Variants in CNOT6L observed in about 807,000 individuals in gnomAD.
The protein encoded by CNOT6L is CCR4-NOT transcription complex subunit 6 like, also known as CCR4-NOT transcription complex subunit 6-like.
A neutral mutation model predicts 64.0 loss-of-function variants in CNOT6L; 7 were observed. That is an observed-to-expected ratio of 0.11 (90% CI 0.06 to 0.21). The LOEUF is 0.21. CNOT6L is among the 10% of genes least tolerant of loss of function. The probability of loss-of-function intolerance (pLI) is 1.00; values close to 1 mark genes in which losing one functional copy is unlikely to be tolerated. For missense variants in CNOT6L, 245 were observed against 669.0 expected (o/e 0.37, Z 6.99); for synonymous variants, 193 against 243.4 (o/e 0.79, Z 1.93).
intron 5 of CNOT6L, among the ~76,000 whole-genome samples, chr4:77,751,383 A>G (rs111774939): frequency 7.6e-4 from 115 of 152,288 alleles, no homozygotes; most frequent in Middle Eastern, 3.4e-3. Flanking sequence ...ACAGAGCCTG[A>G]AAAAACCTGT....
upstream of CNOT6L, chr4:77,819,396 G>GC (rs1178446015): frequency 5.6e-6 from 9 of 1,604,518 alleles, no homozygotes; most frequent in Admixed American, 1.3e-4. Context: ...CGCGCACCAG[G>GC]CCCCCACAGA....
chr4:77,783,724 T>G (rs1729142967), intron 1 of CNOT6L, among the ~76,000 whole-genome samples: 1 of 152,106 alleles, frequency 6.6e-6, no homozygotes, highest in African/African-American at 2.4e-5. Context: ...ACATTTAACT[T>G]AAGATGATAG....
intron 1 of CNOT6L, among the ~76,000 whole-genome samples, chr4:77,806,098 T>C (rs1732189242): frequency 6.6e-6 from 1 of 152,158 alleles, no homozygotes; most frequent in Non-Finnish European, 1.5e-5. Context: ...TCTCCTCAAC[T>C]GATGGTGAAT....
At position 77,779,879 on chromosome 4, in the gene CNOT6L, G is replaced by C. The variant is rs60341758; in HGVS notation, c.6-3487C>G. On this transcript the variant is annotated intron_variant, in intron 1 of 11. Transcript: ENST00000504123. The stretch of plus-strand genomic sequence containing the variant: ...CTTGAGAGGCTGAGGCAGGAGAATG[G>C]CATGAACCCGGGAGGCGGAGCTTGC... Among the ~76,000 whole-genome samples the C allele has an allele frequency of 1.8e-3, 273 of 152,246 alleles. 2 individuals carry two copies. The highest frequency in any genetic ancestry group is 5.5e-3 in the African/African-American group (228 of 41,544).
intron 1 of CNOT6L, among the ~76,000 whole-genome samples, chr4:77,792,268 G>T (rs1186193208): frequency 6.6e-6 from 1 of 151,942 alleles, no homozygotes; most frequent in African/African-American, 2.4e-5. Flanking sequence ...CTCCCTAGGT[G>T]CCTACATCCA....
At chr4:77,806,638 A>C (rs1196102473) in intron 1 of CNOT6L, among the ~76,000 whole-genome samples, 1 of 152,214 alleles carries the variant, frequency 6.6e-6, no homozygotes, top group Admixed American at 6.5e-5. Flanking sequence ...AAGAGAACCC[A>C]AGTTATGGAT....
In CNOT6L at chr4:77,715,869, A is replaced by G. The variant is rs1259137373; in HGVS notation, c.*4562T>C. 1 of 152,554 alleles carries G rather than the reference A, an allele frequency of 6.6e-6. No individual in the cohort carries two copies. Among genetic ancestry groups the G allele is most frequent in the African/African-American group, 2.4e-5 (1 of 41,430 alleles). 9.5% of individuals were successfully genotyped at this position (152,554 alleles called of 1,614,324 possible). A position where few individuals can be genotyped will look rare whatever the true frequency, so the allele number is the denominator to read the frequency against. ...CTTAAACAGATTAGAACTTTGGTAA[A>G]TAAGACAGATTAAAGATGTACTAAA... On this transcript the variant is annotated 3_prime_UTR_variant, in exon 12 of 12. Coordinates refer to ENST00000504123, the MANE Select transcript of CNOT6L (RefSeq NM_144571.3).
rs72864938 is a variant in CNOT6L, at chr4:77,748,686, A to G, written c.491-302T>C. Among the ~76,000 whole-genome samples the G allele has an allele frequency of 1.8e-3, 272 of 152,326 alleles. 2 individuals are homozygous for G. Among genetic ancestry groups the G allele is most frequent in the African/African-American group, 5.5e-3 (227 of 41,570 alleles). On this transcript the variant is annotated intron_variant, in intron 5 of 11. Transcript: ENST00000504123. ...TATGTAAAATCTTAAGTTTCTAATTATATATGTAAATTGTATTGACTTAGC... is the reference window on the plus strand; with the variant it reads ...TATGTAAAATCTTAAGTTTCTAATTGTATATGTAAATTGTATTGACTTAGC...
At chr4:77,774,470 C>A in intron 3 of CNOT6L, 60 bp downstream of exon 3, 1 of 1,282,710 alleles carries the variant, frequency 7.8e-7, no homozygotes, top group Non-Finnish European at 1.1e-6. Context: ...AAGTAACATC[C>A]CCTCATTTTC....
At chr4:77,757,209 G>A (rs1725668244) in intron 4 of CNOT6L, among the ~76,000 whole-genome samples, 2 of 152,016 alleles carry the variant, frequency 1.3e-5, no homozygotes, top group Non-Finnish European at 2.9e-5. Flanking sequence ...CAATTCTGAA[G>A]TAATATCACA....
chr4:77,789,255 T>TA (rs965866945), intron 1 of CNOT6L, among the ~76,000 whole-genome samples: 7 of 152,002 alleles, frequency 4.6e-5, no homozygotes, highest in African/African-American at 7.3e-5. Context: ...AGGAAAAACT[T>TA]AAGATATCCT....
chr4:77,818,990 C>T (rs1733933403), intron 1 of CNOT6L: 1 of 670,436 alleles, frequency 1.5e-6, no homozygotes, highest in Non-Finnish European at 2.7e-6. Context: ...GGCTCGGGAG[C>T]CGCAGCCACA....
At chr4:77,721,118 A>G (rs1459175014) in intron 11 of CNOT6L, among the ~76,000 whole-genome samples, 40 of 152,212 alleles carry the variant, frequency 2.6e-4, no homozygotes, top group Admixed American at 2.6e-3. Context: ...AACCATGTTT[A>G]TGGATTTGCT....
chr4:77,769,090 CAAAG>C (rs1727235329), intron 4 of CNOT6L, among the ~76,000 whole-genome samples: 1 of 152,002 alleles, frequency 6.6e-6, no homozygotes, highest in African/African-American at 2.4e-5. Context: ...AGCAGTAAAA[CAAAG>C]AACTGTCATT....
intron 4 of CNOT6L, among the ~76,000 whole-genome samples, chr4:77,768,474 A>ATATATATATAT (rs1727124850): frequency 4.2e-3 from 55 of 13,020 alleles, no homozygotes; most frequent in Admixed American, 7.1e-3. Context: ...AAAATAAATA[A>ATATATATATAT]ATATATATAT....
intron 8 of CNOT6L, among the ~76,000 whole-genome samples, chr4:77,736,473 C>G (rs1189342814): frequency 6.6e-6 from 1 of 152,128 alleles, no homozygotes; most frequent in Non-Finnish European, 1.5e-5. Context: ...ATCCCTACTA[C>G]CTTAACAATG....
intron 4 of CNOT6L, among the ~76,000 whole-genome samples, chr4:77,767,650 C>T (rs1577964537): frequency 6.6e-6 from 1 of 152,200 alleles, no homozygotes; most frequent in East Asian, 1.9e-4. Flanking sequence ...AATTAAATTC[C>T]TCACCAAATT....
At chr4:77,738,753 C>CAAAA (rs33932934) in intron 8 of CNOT6L, among the ~76,000 whole-genome samples, 4,440 of 113,344 alleles carry the variant, frequency 0.039, 288 homozygotes, top group African/African-American at 0.082. Flanking sequence ...AACTCCGTCT[C>CAAAA]AAAAAAAAAA....
Position 77,773,230 on chromosome 4 carries a change from C to T in CNOT6L, c.315-64G>A. 4.0e-6 allele frequency: 4 copies of T among 1,005,630 alleles called. No individual in the cohort carries two copies. The South Asian group carries it at 4.9e-5, about 12-fold the overall frequency. 62.3% of individuals were successfully genotyped at this position (1,005,630 alleles called of 1,614,324 possible). A position where few individuals can be genotyped will look rare whatever the true frequency, so the allele number is the denominator to read the frequency against. On this transcript the variant is annotated intron_variant, in intron 3 of 11. Coordinates refer to ENST00000504123, the MANE Select transcript of CNOT6L (RefSeq NM_144571.3). ...AAGTTTTATTAACATCTGTATTTGC[C>T]ATTCTTAAGGCTCCTTCTAACATAC... is the stretch of plus-strand genomic sequence containing the variant.
Sources: allele counts gnomAD v4.1 joint callset (sites outside exome capture counted in the v4.1 genomes callset), GRCh38; gene constraint gnomAD v4.1.1; transcripts MANE v1.5; gene names NCBI Gene and HGNC (gene_info 2026-07-23, HGNC 2026-07-21).